EP300: variants seen among roughly 807,000 people sequenced by gnomAD.
The protein encoded by EP300 is EP300 lysine acetyltransferase.
In EP300, 31 loss-of-function variants were observed where a neutral mutation model predicts 264.0. The observed-to-expected ratio is 0.12, with a 90% CI of 0.09 to 0.16. The LOEUF (loss-of-function observed/expected upper bound fraction) is 0.16. Among genes scored for constraint, EP300 ranks in the 10% least tolerant of loss-of-function variants. The probability of loss-of-function intolerance (pLI) is 1.00; values close to 1 mark genes in which losing one functional copy is unlikely to be tolerated. For missense variants in EP300, 2,766 were observed against 3,052.9 expected, an observed-to-expected ratio of 0.91 and a Z score of 2.21; for synonymous variants, 1,340 against 1,045.4, an observed-to-expected ratio of 1.28 and a Z score of -5.44.
At position 41,157,948 on chromosome 22, in the gene EP300, C is replaced by T. The variant is rs1032432849; in HGVS notation, c.3502-464C>T. The stretch of plus-strand genomic sequence containing the variant: ...GTTGACTAATTAAATAATCAACAGA[C>T]TGTTAACTCATCTGGAGTAGGGGCA... On this transcript the variant is annotated intron_variant, in intron 18 of 30. Coordinates refer to ENST00000263253, the MANE Select transcript of EP300 (RefSeq NM_001429.4). 2.0e-5 allele frequency among the ~76,000 whole-genome samples: 3 copies of T among 152,236 alleles called. No homozygotes were observed. The East Asian group carries it at 5.8e-4, about 29-fold the overall frequency.
intron 4 of EP300, among the ~76,000 whole-genome samples, chr22:41,128,173 GGTT>G (rs1191584117): frequency 3.3e-5 from 5 of 151,990 alleles, no homozygotes; most frequent in African/African-American, 1.2e-4. Context: ...CTTTAAAAAA[GGTT>G]GGGCGCAGTG....
At position 41,129,972 on chromosome 22, in the gene EP300, C is replaced by T. The variant is rs1271757266; in HGVS notation, c.1251C>T (p.Leu417=). 1.9e-6 allele frequency: 3 copies of T among 1,613,682 alleles called. No homozygotes were observed. Among genetic ancestry groups the T allele is most frequent in the Middle Eastern group, 1.6e-4 (1 of 6,084 alleles). ...ATGATTGTCCTGTGTGTCTCCCCCT[C>T]AAAAATGCTGGTGATAAGAGAAATC... ...TRHDCPVCLP[L]KNAGDKRNQQ... The change falls in exon 5 of 31, where the codon CTC becomes CTT. Residue 417 remains leucine, a synonymous_variant. Transcript: ENST00000263253.
intron 1 of EP300, among the ~76,000 whole-genome samples, chr22:41,099,500 TCTTAACTAATCA>T (rs920570899): frequency 5.3e-5 from 8 of 152,342 alleles, no homozygotes; most frequent in Middle Eastern, 3.4e-3. Context: ...GCCTTTTCCA[TCTTAACTAATCA>T]CTTGTCATGC....
rs574620875 is a variant in EP300, at chr22:41,170,735, C to T, written c.4452+164C>T. ...GGAGTGCAGTGACACGATTTTGGCT[C>T]ACTTCAAGCTCCGCCTCCTGGGTTC... On this transcript the variant is annotated intron_variant, in intron 27 of 30. Transcript: ENST00000263253. 2.0e-4 allele frequency among the ~76,000 whole-genome samples: 27 copies of T among 137,790 alleles called. No homozygotes were observed. In the East Asian group the frequency reaches 4.8e-3, roughly 25 times the overall value. The allele number at this position is 137,790 out of a possible 152,430, so 90.4% of individuals were successfully genotyped here.
chr22:41,162,620 C>T (rs2059113973), intron 20 of EP300, 103 bp from the exon 21 acceptor site: 1 of 878,474 alleles, frequency 1.1e-6, no homozygotes. Flanking sequence ...TCTTAAAAAA[C>T]CTGAATCTCT....
rs12163510 is a variant in EP300, at chr22:41,119,178, T to A, written c.729+1357T>A. Among the ~76,000 whole-genome samples the A allele has an allele frequency of 5.6e-3, 197 of 35,486 alleles. 1 individual carries two copies. The highest frequency in any genetic ancestry group is 0.011 in the Admixed American group (25 of 2,188). 23.3% of individuals were successfully genotyped at this position (35,486 alleles called of 152,430 possible). On this transcript the variant is annotated intron_variant, in intron 2 of 30. Transcript: ENST00000263253. ...CCACCATGCCTGGCTTATTATTATTTTTTTTTTTTTTTTTTTTTTTTTTAA... is the reference window on the plus strand; with the variant it reads ...CCACCATGCCTGGCTTATTATTATTATTTTTTTTTTTTTTTTTTTTTTTAA...
intron 10 of EP300, among the ~76,000 whole-genome samples, chr22:41,145,171 G>C (rs536724930): frequency 1.3e-5 from 2 of 152,304 alleles, no homozygotes; most frequent in South Asian, 4.1e-4. Flanking sequence ...GATAGTGTGC[G>C]TGAATACAGA....
Position 41,140,276 on chromosome 22 carries a change from T to C in EP300, c.1878+19T>C, listed in dbSNP as rs2058974264. ...CAATCGAGTGAGTGTCTGGTTTTTTTCTATTAATAGCCAAGATTGAACCTG... is the reference window on the plus strand; with the variant it reads ...CAATCGAGTGAGTGTCTGGTTTTTTCCTATTAATAGCCAAGATTGAACCTG... On this transcript the variant is annotated intron_variant, in intron 9 of 30. Coordinates refer to ENST00000263253, the MANE Select transcript of EP300 (RefSeq NM_001429.4). 12 of 1,505,708 alleles carry C rather than the reference T, an allele frequency of 8.0e-6. No individual in the cohort carries two copies. The highest frequency in any genetic ancestry group is 1.1e-5 in the Non-Finnish European group (12 of 1,081,130). The allele number at this position is 1,505,708 out of a possible 1,614,324, so 93.3% of individuals were successfully genotyped here.
At chr22:41,094,900 C>CT (rs2058693719) in intron 1 of EP300, among the ~76,000 whole-genome samples, 1 of 152,104 alleles carries the variant, frequency 6.6e-6, no homozygotes, top group Admixed American at 6.5e-5. Flanking sequence ...TGTGCTACTA[C>CT]TTTCTCCATG....
In EP300 at chr22:41,178,261, AGAC is replaced by A; in HGVS notation, c.6554_6556del (p.Arg2185del). 2 of 1,614,074 alleles carry A rather than the reference AGAC, an allele frequency of 1.2e-6. No individual in the cohort carries two copies. Among genetic ancestry groups the A allele is most frequent in the Non-Finnish European group, 8.5e-7 (1 of 1,180,010 alleles). On this transcript the variant is annotated inframe_deletion, in exon 31 of 31. Transcript: ENST00000263253. Reference sequence around the variant, plus strand: ...GCCTTCACAATTCCGAGACATCTTGAGACGACAGCAAATGATGCAACAGCAGCA... The same window carrying A: ...GCCTTCACAATTCCGAGACATCTTGAGACAGCAAATGATGCAACAGCAGCA...
At chr22:41,169,060 T>C (rs1389824960) in intron 25 of EP300, 193 bp downstream of exon 25, 29 of 721,640 alleles carry the variant, frequency 4.0e-5, no homozygotes, top group Non-Finnish European at 6.7e-5. Flanking sequence ...TCAATACTGC[T>C]CTTCTGTGGT....
At position 41,173,708 on chromosome 22, in the gene EP300, A is replaced by G; in HGVS notation, c.4703A>G (p.Lys1568Arg). 2 of 1,614,218 alleles carry G rather than the reference A, an allele frequency of 1.2e-6. No individual in the cohort carries two copies. The highest frequency in any genetic ancestry group is 1.7e-6 in the Non-Finnish European group (2 of 1,180,044). Reference protein sequence around the residue: ...KNKSSLSRGNKKKPGMPNVSN... With the variant: ...KNKSSLSRGNRKKPGMPNVSN... ...AAGAGCAGCCTGAGTAGGGGCAACA[A>G]GAAGAAACCCGGGATGCCCAATGTA... The change falls in exon 29 of 31, where the codon AAG (lysine) becomes AGG (arginine). Residue 1568 changes from lysine to arginine, a missense_variant. Physicochemically the swap from Lys to Arg is conservative, Grantham distance 26. Coordinates refer to ENST00000263253, the MANE Select transcript of EP300 (RefSeq NM_001429.4).
rs1161709154 is a variant in EP300 at position 41,092,953 on chromosome 22, G to T, written c.-52G>T. On this transcript the variant is annotated 5_prime_UTR_variant, in exon 1 of 31. Transcript: ENST00000263253. ...CGCGGGGACCCCGGGCCGAAGAAGA[G>T]ATTTCCTGAGGATTCTGGTTTTCCT... 6.2e-7 allele frequency: 1 copy of T among 1,607,640 alleles called. No individual in the cohort carries two copies. The highest frequency in any genetic ancestry group is 1.3e-5 in the African/African-American group (1 of 74,974).
At chr22:41,160,963 T>C (rs953476802) in intron 20 of EP300, among the ~76,000 whole-genome samples, 3 of 150,874 alleles carry the variant, frequency 2.0e-5, no homozygotes, top group Non-Finnish European at 4.4e-5. Flanking sequence ...AGAGAACATA[T>C]CCATCATAGT....
chr22:41,156,759 T>G (rs941538118), intron 17 of EP300, among the ~76,000 whole-genome samples: 2 of 151,960 alleles, frequency 1.3e-5, no homozygotes, highest in African/African-American at 2.4e-5. Flanking sequence ...GGCAAAAGCC[T>G]TTTAGGACTT....
rs781594668 is a variant in EP300 at position 41,147,875 on chromosome 22, C to G, written c.2170C>G (p.Pro724Ala). 1 of 1,614,164 alleles carries G rather than the reference C, an allele frequency of 6.2e-7. No homozygotes were observed. Among genetic ancestry groups the G allele is most frequent in the Non-Finnish European group, 8.5e-7 (1 of 1,180,024 alleles). Residue 724 changes from proline to alanine, a missense_variant, in exon 12 of 31, where the codon CCT (proline) becomes GCT (alanine). Transcript: ENST00000263253. ...TGGCCAGATGAGCATGGCCCAGCCC[C>G]CTATTGTACCCCGGCAAACCCCTCC... The part of the protein sequence containing the change: ...QFGQMSMAQP[P>A]IVPRQTPPLQ...
chr22:41,152,303 C>T lies in EP300; in HGVS notation c.3095C>T (p.Thr1032Ile), dbSNP rs2145740988. 1.2e-6 allele frequency: 2 copies of T among 1,614,098 alleles called. No homozygotes were observed. Among genetic ancestry groups the T allele is most frequent in the East Asian group, 4.5e-5 (2 of 44,874 alleles). The part of the protein sequence containing the change: ...EIKEEEDQPS[T>I]SATQSSPAPG... ...AAAGAGGAGGAAGACCAGCCAAGTACTTCAGCTACCCAGTCATCTCCGGCT... is the reference window on the plus strand; with the variant it reads ...AAAGAGGAGGAAGACCAGCCAAGTATTTCAGCTACCCAGTCATCTCCGGCT... Residue 1032 changes from threonine (T) to isoleucine (I), a missense_variant, in exon 16 of 31, where the codon ACT becomes ATT. By Grantham distance (89) the Thr-to-Ile change is moderately conservative. Transcript: ENST00000263253.
intron 29 of EP300, among the ~76,000 whole-genome samples, chr22:41,175,504 A>G (rs769366512): frequency 3.9e-5 from 6 of 152,254 alleles, no homozygotes; most frequent in Middle Eastern, 3.2e-3. Context: ...TCAAACTTCA[A>G]TGAACAAGAA....
At chr22:41,124,545 G>C (rs5758239) in intron 2 of EP300, among the ~76,000 whole-genome samples, 147,699 of 152,236 alleles carry the variant, frequency 0.97, 71,815 homozygotes, top group East Asian at 1. Context: ...GCCTATAATC[G>C]CAGCACTTTG....
Sources: gnomAD v4.1 joint callset for allele counts (sites outside exome capture counted in the v4.1 genomes callset) on GRCh38, gnomAD v4.1.1 for gene constraint, MANE v1.5 for transcripts, NCBI Gene and HGNC (gene_info 2026-07-23, HGNC 2026-07-21) for gene names.